Variants in DOCK4 observed in about 807,000 individuals in gnomAD.
DOCK4 encodes the protein dedicator of cytokinesis protein 4.
In DOCK4, 97 loss-of-function variants were observed where a neutral mutation model predicts 268.1. The observed-to-expected ratio is 0.36, with a 90% CI of 0.31 to 0.43. The LOEUF is 0.43. Among genes scored for constraint, DOCK4 ranks in the 20% least tolerant of loss-of-function variants. The pLI, the probability that DOCK4 is intolerant of heterozygous loss-of-function variation, is 1.00. For synonymous variants in DOCK4, 954 were observed against 887.2 expected, an observed-to-expected ratio of 1.08 and a Z score of -1.34; for missense variants, 2,145 against 2,455.7, an observed-to-expected ratio of 0.87 and a Z score of 2.67.
chr7:111,846,366 G>C (rs939452609), intron 24 of DOCK4, among the ~76,000 whole-genome samples: 1 of 152,174 alleles, frequency 6.6e-6, no homozygotes, highest in Non-Finnish European at 1.5e-5. Context: ...CCTGAGCCAT[G>C]AACACAAATA....
chr7:111,952,314 GC>G (rs1302579848), intron 8 of DOCK4, among the ~76,000 whole-genome samples: 1 of 152,126 alleles, frequency 6.6e-6, no homozygotes, highest in Non-Finnish European at 1.5e-5. Context: ...TCCTGGTCAT[GC>G]AAATAATATA....
chr7:111,823,601 C>T (rs1314653494), intron 26 of DOCK4, among the ~76,000 whole-genome samples: 1 of 151,910 alleles, frequency 6.6e-6, no homozygotes, highest in Non-Finnish European at 1.5e-5. Flanking sequence ...ATGTACCACA[C>T]ACAATGAATG....
intron 39 of DOCK4, among the ~76,000 whole-genome samples, chr7:111,763,088 G>A (rs1451896514): frequency 1.3e-5 from 2 of 151,394 alleles, no homozygotes; most frequent in African/African-American, 4.9e-5. Flanking sequence ...TTTTTCATGA[G>A]GGGAAAAATC....
At chr7:112,175,148 T>C (rs1249147578) in intron 1 of DOCK4, among the ~76,000 whole-genome samples, 7 of 152,058 alleles carry the variant, frequency 4.6e-5, no homozygotes, top group Middle Eastern at 3.4e-3. Context: ...CAGGTGTGAG[T>C]CACCGCGCCC....
chr7:112,128,484 A>G (rs975860936), intron 1 of DOCK4, among the ~76,000 whole-genome samples: 1 of 152,236 alleles, frequency 6.6e-6, no homozygotes, highest in African/African-American at 2.4e-5. Context: ...AAGGGGGGAA[A>G]GGTGGGGAAA....
At chr7:112,149,423 A>G (rs891268773) in intron 1 of DOCK4, among the ~76,000 whole-genome samples, 1 of 152,152 alleles carries the variant, frequency 6.6e-6, no homozygotes, top group Non-Finnish European at 1.5e-5. Context: ...TACCACGCCA[A>G]CATGGGTCTG....
chr7:112,155,955 A>T (rs1340544000), intron 1 of DOCK4, among the ~76,000 whole-genome samples: 5 of 152,194 alleles, frequency 3.3e-5, no homozygotes, highest in African/African-American at 1.2e-4. Flanking sequence ...GTTTAAATTT[A>T]AAAATAAAGA....
chr7:111,853,848 C>T (rs1804783673), intron 23 of DOCK4, among the ~76,000 whole-genome samples: 1 of 152,172 alleles, frequency 6.6e-6, no homozygotes, highest in Non-Finnish European at 1.5e-5. Flanking sequence ...TATTCATGCT[C>T]ATCCTGAGCT....
rs115734517 is a variant in DOCK4, at chr7:112,099,263, G to A, written c.38-95132C>T. 4.2e-3 allele frequency among the ~76,000 whole-genome samples: 617 copies of A among 147,206 alleles called. 5 individuals carry two copies. Among genetic ancestry groups the A allele is most frequent in the African/African-American group, 0.015 (587 of 39,604 alleles). On this transcript the variant is annotated intron_variant, in intron 1 of 52. Coordinates refer to ENST00000428084, the MANE Select transcript of DOCK4 (RefSeq NM_001363540.2). ...GCTGAGTTCGTGCCATTGCATTTCC[G>A]CCTGGGTGATAGAGCAAGACCCTGT...
intron 35 of DOCK4, among the ~76,000 whole-genome samples, chr7:111,781,532 G>T (rs779828140): frequency 9.9e-5 from 15 of 152,162 alleles, no homozygotes; most frequent in Non-Finnish European, 1.5e-4. Flanking sequence ...TGGGTCTAAT[G>T]AAAACATTAT....
At chr7:111,794,487 G>A (rs1415970532) in intron 30 of DOCK4, among the ~76,000 whole-genome samples, 3 of 152,214 alleles carry the variant, frequency 2.0e-5, no homozygotes, top group Non-Finnish European at 2.9e-5. Context: ...GACAAGAGAG[G>A]AGCTGACTAA....
At chr7:111,965,179 T>C (rs1438984868) in intron 8 of DOCK4, among the ~76,000 whole-genome samples, 2 of 72,168 alleles carry the variant, frequency 2.8e-5, no homozygotes, top group Admixed American at 1.4e-4. Context: ...AACATCATAA[T>C]GACAGGATCA....
intron 13 of DOCK4, among the ~76,000 whole-genome samples, chr7:111,913,707 C>T (rs1384643541): frequency 6.7e-6 from 1 of 148,792 alleles, no homozygotes; most frequent in Non-Finnish European, 1.5e-5. Flanking sequence ...CCGCGCCCGG[C>T]CACAATTTTT....
chr7:111,756,416 C>T (rs1043773603), intron 41 of DOCK4, among the ~76,000 whole-genome samples: 2 of 152,078 alleles, frequency 1.3e-5, no homozygotes, highest in Admixed American at 6.6e-5. Context: ...AAAAGCTACA[C>T]TACCGATAGA....
intron 1 of DOCK4, among the ~76,000 whole-genome samples, chr7:112,062,898 C>T (rs1806561032): frequency 6.6e-6 from 1 of 152,136 alleles, no homozygotes; most frequent in Non-Finnish European, 1.5e-5. Context: ...AGGAAGATCT[C>T]TATCTCCTGA....
At chr7:111,850,419 C>T (rs1238226246) in intron 23 of DOCK4, among the ~76,000 whole-genome samples, 2 of 152,120 alleles carry the variant, frequency 1.3e-5, no homozygotes, top group Non-Finnish European at 2.9e-5. Flanking sequence ...ATCTTTCTCC[C>T]TTATTGCAAA....
At chr7:111,911,825 A>G (rs1255279413) in intron 13 of DOCK4, among the ~76,000 whole-genome samples, 1 of 151,878 alleles carries the variant, frequency 6.6e-6, no homozygotes, top group Non-Finnish European at 1.5e-5. Context: ...TTTTTAATAT[A>G]TTAGATTTGC....
rs185122600 is a variant in DOCK4 at position 111,919,501 on chromosome 7, T to C, written c.1067-3597A>G. On this transcript the variant is annotated intron_variant, in intron 12 of 52. Transcript: ENST00000428084. ...AAAAGGAAAAGCTGGCATTTCAGAGTTGGATGCATACTAAAAGTTTGATAG... is the reference window on the plus strand; with the variant it reads ...AAAAGGAAAAGCTGGCATTTCAGAGCTGGATGCATACTAAAAGTTTGATAG... Among the ~76,000 whole-genome samples, 16 of 152,134 alleles carry C rather than the reference T, an allele frequency of 1.1e-4. No homozygotes were observed. In the East Asian group the frequency reaches 3.1e-3, roughly 29 times the overall value.
intron 23 of DOCK4, among the ~76,000 whole-genome samples, chr7:111,861,409 A>C (rs1236305441): frequency 6.6e-6 from 1 of 152,200 alleles, no homozygotes; most frequent in Non-Finnish European, 1.5e-5. Flanking sequence ...AACAGTAAAA[A>C]ATAATGAAGT....
Sources: allele counts gnomAD v4.1 joint callset (sites outside exome capture counted in the v4.1 genomes callset), GRCh38; gene constraint gnomAD v4.1.1; transcripts MANE v1.5; gene names NCBI Gene and HGNC (gene_info 2026-07-23, HGNC 2026-07-21).